Variants in CAPS2 observed in about 807,000 individuals in gnomAD.
CAPS2 encodes calcyphosin-2.
CAPS2 carries 98 observed loss-of-function variants against 86.5 expected under a neutral mutation model. That is an observed-to-expected ratio of 1.13 (90% CI 0.96 to 1.34). The LOEUF (loss-of-function observed/expected upper bound fraction) is 1.34, where lower values mean the gene tolerates loss of function less well. Ranked by LOEUF, CAPS2 falls within the 40% of genes most tolerant of loss-of-function variation. CAPS2 has a pLI of 0.00. For missense variants in CAPS2, 729 were observed against 686.8 expected (o/e 1.06, Z -0.69); for synonymous variants, 210 against 225.1 (o/e 0.93, Z 0.60).
chr12:75,343,297 T>A (rs2042237867), intron 1 of CAPS2, among the ~76,000 whole-genome samples: 1 of 152,028 alleles, frequency 6.6e-6, no homozygotes, highest in South Asian at 2.1e-4. Context: ...TTAAGGGGAT[T>A]TTTTCTTTCT....
chr12:75,355,533 C>T (rs1565986240), intron 1 of CAPS2, among the ~76,000 whole-genome samples: 1 of 151,958 alleles, frequency 6.6e-6, no homozygotes, highest in Non-Finnish European at 1.5e-5. Flanking sequence ...GGAATGTACA[C>T]TCCACAATAG....
intron 1 of CAPS2, among the ~76,000 whole-genome samples, chr12:75,349,171 A>G (rs182049019): frequency 6.6e-6 from 1 of 152,334 alleles, no homozygotes; most frequent in Non-Finnish European, 1.5e-5. Flanking sequence ...GAAGCATCTG[A>G]AAGAATAAGA....
intron 6 of CAPS2, among the ~76,000 whole-genome samples, chr12:75,314,662 C>T (rs1565882884): frequency 6.6e-6 from 1 of 152,028 alleles, no homozygotes; most frequent in Non-Finnish European, 1.5e-5. Context: ...ATAAAGTGGA[C>T]ACTGACTAAA....
intron 5 of CAPS2, among the ~76,000 whole-genome samples, chr12:75,318,767 T>C (rs924137691): frequency 7.2e-6 from 1 of 138,302 alleles, no homozygotes; most frequent in African/African-American, 2.7e-5. Context: ...CATTGATTGA[T>C]TTTTTTTTTC....
chr12:75,320,528 T>C (rs2040203297), intron 5 of CAPS2, among the ~76,000 whole-genome samples: 1 of 152,076 alleles, frequency 6.6e-6, no homozygotes, highest in African/African-American at 2.4e-5. Context: ...ATAATCCCAT[T>C]AATTTTGTTA....
At chr12:75,304,089 T>C (rs2038148323) in intron 8 of CAPS2, among the ~76,000 whole-genome samples, 1 of 152,228 alleles carries the variant, frequency 6.6e-6, no homozygotes, top group Non-Finnish European at 1.5e-5. Context: ...AAGCTCATGG[T>C]AATTGTTACA....
At chr12:75,381,264 G>A (rs1045466561) in intron 1 of CAPS2, among the ~76,000 whole-genome samples, 2 of 152,156 alleles carry the variant, frequency 1.3e-5, no homozygotes, top group African/African-American at 4.8e-5. Context: ...TGTAAGAAGT[G>A]GCTTTAGCCC....
chr12:75,341,611 G>C (rs908073284), intron 1 of CAPS2, among the ~76,000 whole-genome samples: 1 of 151,548 alleles, frequency 6.6e-6, no homozygotes, highest in Non-Finnish European at 1.5e-5. Context: ...CACGCCCGCA[G>C]AATTTTTTGT....
chr12:75,293,393 G>A (rs768068937), intron 11 of CAPS2, 26 bp from the exon 12 acceptor site: 8 of 1,393,538 alleles, frequency 5.7e-6, no homozygotes, highest in Middle Eastern at 1.8e-4. Context: ...GATGAATGAA[G>A]CTAGAAAGCA....
At chr12:75,351,682 G>C (rs1175168861) in intron 1 of CAPS2, among the ~76,000 whole-genome samples, 2 of 151,988 alleles carry the variant, frequency 1.3e-5, no homozygotes, top group African/African-American at 4.8e-5. Context: ...GAGTAGCTGG[G>C]ATTAGAGGCG....
upstream of CAPS2, among the ~76,000 whole-genome samples, chr12:75,332,052 C>T (rs139494356): frequency 3.3e-5 from 5 of 152,264 alleles, no homozygotes; most frequent in African/African-American, 1.2e-4. Context: ...CCATTGGGAA[C>T]ATGATCTAAA....
chr12:75,278,983 A>G (rs2033387525), exon 17 of CAPS2: 1 of 1,610,974 alleles, frequency 6.2e-7, no homozygotes, highest in Non-Finnish European at 8.5e-7. Flanking sequence ...CAAATTCACC[A>G]TATGACACTT....
At chr12:75,370,458 T>C (rs1223122747) in intron 1 of CAPS2, 3 of 229,170 alleles carry the variant, frequency 1.3e-5, no homozygotes, top group African/African-American at 4.5e-5. Flanking sequence ...ATTTTAGTTA[T>C]AGTACATTTA....
chr12:75,281,979 A>T (rs2034035066), intron 16 of CAPS2, among the ~76,000 whole-genome samples: 1 of 152,050 alleles, frequency 6.6e-6, no homozygotes, highest in Non-Finnish European at 1.5e-5. Flanking sequence ...TTCTAAACCT[A>T]TTTCATTCTT....
chr12:75,311,156 T>C (rs1330985759), intron 7 of CAPS2, among the ~76,000 whole-genome samples: 1 of 152,154 alleles, frequency 6.6e-6, no homozygotes, highest in Non-Finnish European at 1.5e-5. Flanking sequence ...ATGGATTAAC[T>C]ACGGGGTGCC....
intron 8 of CAPS2, 84 bp from the exon 9 acceptor site, chr12:75,299,995 T>A: frequency 1.8e-6 from 1 of 551,410 alleles, no homozygotes. Flanking sequence ...AAAGTTATGT[T>A]AATATTTTGA....
intron 1 of CAPS2, among the ~76,000 whole-genome samples, chr12:75,371,884 G>T (rs942210619): frequency 1.3e-5 from 2 of 152,194 alleles, no homozygotes; most frequent in African/African-American, 4.8e-5. Flanking sequence ...ACTACCTGTT[G>T]TTAGTTTCCC....
chr12:75,363,129 C>T (rs755736970), intron 1 of CAPS2: 81 of 1,557,824 alleles, frequency 5.2e-5, no homozygotes, highest in Non-Finnish European at 6.6e-5. Flanking sequence ...TGCCTCCTTA[C>T]GTAAGAGGAG....
At chr12:75,308,673 A>G (rs985018280) in intron 7 of CAPS2, among the ~76,000 whole-genome samples, 4 of 152,140 alleles carry the variant, frequency 2.6e-5, no homozygotes, top group African/African-American at 9.7e-5. Flanking sequence ...AATAGGGGAA[A>G]TGAGGCAGGA....
Sources: gnomAD v4.1 joint callset for allele counts (sites outside exome capture counted in the v4.1 genomes callset) on GRCh38, gnomAD v4.1.1 for gene constraint, MANE v1.5 for transcripts, NCBI Gene and HGNC (gene_info 2026-07-23, HGNC 2026-07-21) for gene names.